LOXL2: variants seen among roughly 807,000 people sequenced by gnomAD.
The protein encoded by LOXL2 is lysyl oxidase homolog 2.
A neutral mutation model predicts 93.0 loss-of-function variants in LOXL2; 70 were observed. The ratio of observed to expected loss-of-function variants is 0.75; its 90% confidence interval spans 0.62 to 0.92. The LOEUF (loss-of-function observed/expected upper bound fraction) is 0.92, where lower values mean the gene tolerates loss of function less well. LOXL2 is among the 40% of genes least tolerant of loss of function. LOXL2 has a pLI of 0.00. For synonymous variants in LOXL2, 438 were observed against 413.2 expected (o/e 1.06, Z -0.73); for missense variants, 973 against 1,054.9 (o/e 0.92, Z 1.08).
intron 1 of LOXL2, among the ~76,000 whole-genome samples, chr8:23,386,367 T>G (rs1804759702): frequency 6.6e-6 from 1 of 152,206 alleles, no homozygotes; most frequent in African/African-American, 2.4e-5. Context: ...CACTACAGCC[T>G]GGGCGACAGA....
At chr8:23,298,604 C>T (rs1803077279) in intron 13 of LOXL2, among the ~76,000 whole-genome samples, 1 of 152,236 alleles carries the variant, frequency 6.6e-6, no homozygotes, top group African/African-American at 2.4e-5. Flanking sequence ...GCCTTGGGGT[C>T]TGCACTGGGC....
intron 3 of LOXL2, among the ~76,000 whole-genome samples, chr8:23,341,986 C>A (rs1803889533): frequency 6.6e-6 from 1 of 152,110 alleles, no homozygotes; most frequent in Non-Finnish European, 1.5e-5. Flanking sequence ...ACCCACCCCA[C>A]CCATCTATCT....
intron 1 of LOXL2, among the ~76,000 whole-genome samples, chr8:23,388,414 C>A (rs1417525814): frequency 6.6e-6 from 1 of 151,290 alleles, no homozygotes; most frequent in African/African-American, 2.4e-5. Context: ...CCTGTCTCTA[C>A]AAAAAAATTT....
In LOXL2 at chr8:23,360,312, G is replaced by A. The variant is rs189172848; in HGVS notation, c.356-47C>T. 4 of 1,465,356 alleles carry A rather than the reference G, an allele frequency of 2.7e-6. No homozygotes were observed. The South Asian group carries it at 3.7e-5, about 13-fold the overall frequency. The allele number at this position is 1,465,356 out of a possible 1,614,324, so 90.8% of individuals were successfully genotyped here. A position where few individuals can be genotyped will look rare whatever the true frequency, so the allele number is the denominator to read the frequency against. ...GAAACCAAGTGCTGCGTCAATGCAG[G>A]TCTGAGTCTTTGCGGGGCACCAGTG... On this transcript the variant is annotated intron_variant, in intron 2 of 13. Transcript: ENST00000389131.
At chr8:23,309,523 T>G in intron 10 of LOXL2, 145 bp downstream of exon 10, 10 of 1,005,566 alleles carry the variant, frequency 9.9e-6, no homozygotes, top group Non-Finnish European at 1.3e-5. Flanking sequence ...GTGTGGCAGA[T>G]GCAAGCCCCC....
At chr8:23,380,898 A>C (rs1336719977) in intron 1 of LOXL2, among the ~76,000 whole-genome samples, 1 of 152,188 alleles carries the variant, frequency 6.6e-6, no homozygotes, top group African/African-American at 2.4e-5. Flanking sequence ...CTGTAATCCC[A>C]GCTACTAGGG....
chr8:23,362,848 C>T (rs1804323305), intron 2 of LOXL2, among the ~76,000 whole-genome samples: 1 of 152,048 alleles, frequency 6.6e-6, no homozygotes, highest in Admixed American at 6.5e-5. Context: ...TTATAAGTGC[C>T]ACTGCAAAAT....
chr8:23,366,501 A>G (rs7818494), intron 2 of LOXL2, among the ~76,000 whole-genome samples: 30,692 of 152,238 alleles, frequency 0.2, 4,373 homozygotes, highest in African/African-American at 0.4. Context: ...ATCAATTTCA[A>G]TGACTCCCAA....
chr8:23,304,905 CG>C (rs1331132657), intron 10 of LOXL2, among the ~76,000 whole-genome samples: 1 of 152,142 alleles, frequency 6.6e-6, no homozygotes, highest in Admixed American at 6.5e-5. Context: ...AGGTTTCCTG[CG>C]AGGAAATTCG....
intron 1 of LOXL2, among the ~76,000 whole-genome samples, chr8:23,401,824 A>G (rs1442202759): frequency 6.6e-6 from 1 of 152,254 alleles, no homozygotes; most frequent in Non-Finnish European, 1.5e-5. Context: ...AAAAGGAAGC[A>G]TCTTTGCAGA....
At chr8:23,381,050 G>T (rs536527999) in intron 1 of LOXL2, among the ~76,000 whole-genome samples, 5 of 151,174 alleles carry the variant, frequency 3.3e-5, no homozygotes, top group Non-Finnish European at 7.4e-5. Flanking sequence ...ATACCACTGG[G>T]GGGCGGGTAA....
intron 9 of LOXL2, among the ~76,000 whole-genome samples, chr8:23,314,849 AAAT>A (rs1159778243): frequency 6.7e-6 from 1 of 148,880 alleles, no homozygotes; most frequent in East Asian, 1.9e-4. Flanking sequence ...ATAAAAATAA[AAAT>A]AAAAAAGGAG....
intron 4 of LOXL2, among the ~76,000 whole-genome samples, chr8:23,335,479 GA>G (rs199833316): frequency 6.6e-6 from 1 of 151,124 alleles, no homozygotes. Flanking sequence ...ATTTGTTAAA[GA>G]AAAAAAAAGA....
intron 3 of LOXL2, among the ~76,000 whole-genome samples, chr8:23,351,988 T>C (rs150579663): frequency 1.3e-5 from 2 of 152,284 alleles, no homozygotes; most frequent in African/African-American, 4.8e-5. Context: ...TTTTTTGTAT[T>C]TTTAGTAGAG....
rs571010891 is a variant in LOXL2, at chr8:23,308,966, C to T, written c.1880+702G>A. Among the ~76,000 whole-genome samples, 61 of 150,088 alleles carry T rather than the reference C, an allele frequency of 4.1e-4. 1 individual carries two copies. The highest frequency in any genetic ancestry group is 7.2e-4 in the Non-Finnish European group (49 of 67,678). On this transcript the variant is annotated intron_variant, in intron 10 of 13. Coordinates refer to ENST00000389131, the MANE Select transcript of LOXL2 (RefSeq NM_002318.3). The stretch of plus-strand genomic sequence containing the variant: ...GAGGTATTTAAAATACATACCAGTA[C>T]GTGGAATATATATATATATATATAT...
chr8:23,365,469 C>G (rs1450113257), intron 2 of LOXL2: 1 of 150,880 alleles, frequency 6.6e-6, no homozygotes, highest in Non-Finnish European at 1.5e-5. Flanking sequence ...AACGAAGCAC[C>G]ACTTCACGTA....
At chr8:23,345,884 C>T (rs538537789) in intron 3 of LOXL2, among the ~76,000 whole-genome samples, 4 of 151,752 alleles carry the variant, frequency 2.6e-5, no homozygotes, top group African/African-American at 7.2e-5. Context: ...CTGGCTAACA[C>T]GGTGAAACCC....
intron 6 of LOXL2, among the ~76,000 whole-genome samples, chr8:23,328,171 C>T (rs113581988): frequency 7.9e-5 from 12 of 152,162 alleles, no homozygotes; most frequent in African/African-American, 2.9e-4. Context: ...TTTTGGGCCT[C>T]TGCTTCCAAA....
At chr8:23,309,989 CA>C in intron 9 of LOXL2, 78 bp from the exon 10 acceptor site, 6 of 1,385,568 alleles carry the variant, frequency 4.3e-6, no homozygotes, top group Non-Finnish European at 5.7e-6. Flanking sequence ...TGAGCTGGGA[CA>C]AACCCCCTCT....
Sources: gnomAD v4.1 joint callset for allele counts (sites outside exome capture counted in the v4.1 genomes callset) on GRCh38, gnomAD v4.1.1 for gene constraint, MANE v1.5 for transcripts, NCBI Gene and HGNC (gene_info 2026-07-23, HGNC 2026-07-21) for gene names.